The following IPMK variants were observed in gnomAD, a reference collection of about 807,000 sequenced individuals.
IPMK encodes the protein inositol polyphosphate multikinase.
IPMK carries 17 observed loss-of-function variants against 45.8 expected under a neutral mutation model. That is an observed-to-expected ratio of 0.37 (90% confidence interval 0.25 to 0.56). The LOEUF (loss-of-function observed/expected upper bound fraction) is 0.56. Ranked by LOEUF, IPMK falls within the 20% of genes least tolerant of loss-of-function variation. The pLI, the probability that IPMK is intolerant of heterozygous loss-of-function variation, is 0.79. For synonymous variants in IPMK, 180 were observed against 184.3 expected (o/e 0.98, Z 0.19); for missense variants, 399 against 498.0 (o/e 0.80, Z 1.89).
At chr10:58,210,053 G>A (rs937692779) in intron 4 of IPMK, among the ~76,000 whole-genome samples, 2 of 152,202 alleles carry the variant, frequency 1.3e-5, no homozygotes, top group African/African-American at 4.8e-5. Context: ...TCAGGTGGGG[G>A]CAGGGTTAGG....
Position 58,267,523 on chromosome 10 carries a change from T to C in IPMK, c.89A>G (p.Glu30Gly), listed in dbSNP as rs754297701. 7.4e-6 allele frequency: 12 copies of C among 1,612,842 alleles called. No homozygotes were observed. The South Asian group carries it at 9.9e-5, about 13-fold the overall frequency. ...RTSPAIESTP[E>G]GTPQPAGGRL... ...GCCGCCCGCCGGCTGCGGGGTGCCCTCAGGGGTGGACTCGATCGCCGGTGA... is the reference window on the plus strand; with the variant it reads ...GCCGCCCGCCGGCTGCGGGGTGCCCCCAGGGGTGGACTCGATCGCCGGTGA... The change falls in exon 1 of 6, where the codon GAG becomes GGG. Residue 30 changes from glutamate to glycine, a missense_variant. Around this residue, in one of 2 missense-constraint regions of IPMK, gnomAD observed 111 missense variants for 99.9 expected, o/e 1.11. Transcript: ENST00000373935.
At chr10:58,209,869 T>G (rs377457154) in intron 4 of IPMK, among the ~76,000 whole-genome samples, 1 of 152,202 alleles carries the variant, frequency 6.6e-6, no homozygotes, top group Non-Finnish European at 1.5e-5. Context: ...CTGAGTTGGT[T>G]GGCCTCCAGC....
At position 58,197,322 on chromosome 10, in the gene IPMK, A is replaced by AATACATACATACATACATAC. The variant is rs1554822218; in HGVS notation, c.629-625_629-624insGTATGTATGTATGTATGTAT. ...TCAAAAATAAATAAATAAATAAATA[A>AATACATACATACATACATAC]ATAAATACATAAATACATAAACACA... is the stretch of plus-strand genomic sequence containing the variant. On this transcript the variant is annotated intron_variant, in intron 5 of 5. Coordinates refer to ENST00000373935, the MANE Select transcript of IPMK (RefSeq NM_152230.5). Among the ~76,000 whole-genome samples the AATACATACATACATACATAC allele has an allele frequency of 3.9e-4, 43 of 110,098 alleles. 1 individual carries two copies. Among genetic ancestry groups the AATACATACATACATACATAC allele is most frequent in the African/African-American group, 1.6e-3 (41 of 25,752 alleles). The allele number at this position is 110,098 out of a possible 152,430, so 72.2% of individuals were successfully genotyped here.
At chr10:58,249,840 C>T in intron 1 of IPMK, among the ~76,000 whole-genome samples, 1 of 152,156 alleles carries the variant, frequency 6.6e-6, no homozygotes, top group East Asian at 1.9e-4. Context: ...CCAATCCAAT[C>T]AAATACATAT....
chr10:58,249,275 C>G (rs575353214), intron 1 of IPMK, among the ~76,000 whole-genome samples: 1 of 152,180 alleles, frequency 6.6e-6, no homozygotes, highest in African/African-American at 2.4e-5. Flanking sequence ...GGCTGGACTG[C>G]AGCGGCACAA....
In IPMK at chr10:58,196,533, G is replaced by A; in HGVS notation, c.794C>T (p.Thr265Ile). Reference protein sequence around the residue: ...FVYEGSSQPTTTKLNDRTLAE... With the variant: ...FVYEGSSQPTITKLNDRTLAE... ...CAAAGTTCTGTCATTCAATTTTGTA[G>A]TGGTTGGCTGAGATGAACCTTCATA... is the stretch of plus-strand genomic sequence containing the variant. Residue 265 changes from threonine to isoleucine, a missense_variant, in exon 6 of 6, where the codon ACT becomes ATT. Thr to Ile is a moderately conservative substitution (Grantham distance 89, BLOSUM62 -1). Transcript: ENST00000373935. 1 of 1,613,984 alleles carries A rather than the reference G, an allele frequency of 6.2e-7. No individual in the cohort carries two copies. The highest frequency in any genetic ancestry group is 8.5e-7 in the Non-Finnish European group (1 of 1,180,000).
rs1313456320 is a variant in IPMK, at chr10:58,267,490, C to A, written c.122G>T (p.Arg41Leu). The A allele has an allele frequency of 3.7e-6, 6 of 1,613,616 alleles. No individual in the cohort carries two copies. The highest frequency in any genetic ancestry group is 2.2e-5 in the South Asian group (2 of 91,078). The change falls in exon 1 of 6, where the codon CGC (arginine) becomes CTC (leucine). Residue 41 changes from arginine to leucine, a missense_variant. Arg to Leu is a moderately radical substitution (Grantham distance 102, BLOSUM62 -2). Around this residue, in one of 2 missense-constraint regions of IPMK, gnomAD observed 111 missense variants for 99.9 expected, o/e 1.11. Transcript: ENST00000373935. ...GTPQPAGGRL[R>L]FLNGCVPLSH... ...GAGGGGCACGCAGCCGTTGAGGAAGCGGAGTCTGCCGCCCGCCGGCTGCGG... is the reference window on the plus strand; with the variant it reads ...GAGGGGCACGCAGCCGTTGAGGAAGAGGAGTCTGCCGCCCGCCGGCTGCGG...
chr10:58,199,368 A>G (rs1217416337), intron 4 of IPMK, 47 bp from the exon 5 acceptor site: 5 of 1,265,654 alleles, frequency 4.0e-6, no homozygotes, highest in Middle Eastern at 5.2e-4. Context: ...CTCCTTGACC[A>G]TGTGGGGTTA....
chr10:58,266,661 A>C (rs959731104), intron 1 of IPMK, among the ~76,000 whole-genome samples: 3 of 152,234 alleles, frequency 2.0e-5, no homozygotes, highest in African/African-American at 7.2e-5. Flanking sequence ...CGGGTAAACT[A>C]GATGAATTAG....
chr10:58,197,658 A>G (rs1346230209), intron 5 of IPMK, among the ~76,000 whole-genome samples: 1 of 130,180 alleles, frequency 7.7e-6, no homozygotes, highest in Non-Finnish European at 1.5e-5. Context: ...TCAAAAAAAA[A>G]AGAAAAGAAA....
chr10:58,267,521 C>T lies in IPMK; in HGVS notation c.91G>A (p.Gly31Ser), dbSNP rs763812910. Reference protein sequence around the residue: ...TSPAIESTPEGTPQPAGGRLR... With the variant: ...TSPAIESTPESTPQPAGGRLR... ...CTGCCGCCCGCCGGCTGCGGGGTGC[C>T]CTCAGGGGTGGACTCGATCGCCGGT... The change falls in exon 1 of 6, where the codon GGC becomes AGC. Residue 31 changes from glycine (G) to serine (S), a missense_variant. This residue lies in a region of IPMK where 111 missense variants were observed against 99.9 expected (regional missense o/e 1.11). Coordinates refer to ENST00000373935, the MANE Select transcript of IPMK (RefSeq NM_152230.5). The T allele has an allele frequency of 9.3e-6, 15 of 1,613,106 alleles. No individual in the cohort carries two copies. The highest frequency in any genetic ancestry group is 8.5e-7 in the Non-Finnish European group (1 of 1,179,772).
intron 3 of IPMK, among the ~76,000 whole-genome samples, chr10:58,222,432 A>G (rs1343660762): frequency 2.6e-5 from 4 of 152,310 alleles, no homozygotes; most frequent in South Asian, 2.1e-4. Context: ...ATTTACTTTT[A>G]TAACTCTGGA....
At chr10:58,252,608 TTTC>T (rs1348277487) in intron 1 of IPMK, among the ~76,000 whole-genome samples, 3 of 139,736 alleles carry the variant, frequency 2.1e-5, no homozygotes, top group South Asian at 2.3e-4. Context: ...AGAGTTTTCT[TTTC>T]TTTTTTTTTT....
intron 1 of IPMK, among the ~76,000 whole-genome samples, chr10:58,264,115 GATCAAT>G (rs1202672171): frequency 6.6e-6 from 1 of 152,218 alleles, no homozygotes; most frequent in East Asian, 1.9e-4. Context: ...TCCCATAGTT[GATCAAT>G]GTGCTGTGGC....
intron 1 of IPMK, among the ~76,000 whole-genome samples, chr10:58,255,229 T>C (rs1466694776): frequency 1.3e-5 from 2 of 152,256 alleles, no homozygotes; most frequent in African/African-American, 4.8e-5. Context: ...GACCCACTTT[T>C]GTTCCCAATA....
At chr10:58,244,320 C>T (rs1485223847) in intron 1 of IPMK, among the ~76,000 whole-genome samples, 87 of 147,438 alleles carry the variant, frequency 5.9e-4, no homozygotes, top group Non-Finnish European at 1.0e-3. Context: ...CAGGCCGCCC[C>T]GTCTGGGAAG....
At chr10:58,241,914 C>T (rs7900114) in intron 1 of IPMK, among the ~76,000 whole-genome samples, 6,382 of 151,732 alleles carry the variant, frequency 0.042, 178 homozygotes, top group East Asian at 0.14. Context: ...ACTATAACAA[C>T]AATACTTACA....
Position 58,267,803 on chromosome 10 carries a change from T to A in IPMK, c.-192A>T. On this transcript the variant is annotated 5_prime_UTR_variant, in exon 1 of 6. Transcript: ENST00000373935. ...GGGCGCGGGCGCTCCTCTGCCCAACTCTCGGCGGAACGCGGCTCCCGGCTC... is the reference window on the plus strand; with the variant it reads ...GGGCGCGGGCGCTCCTCTGCCCAACACTCGGCGGAACGCGGCTCCCGGCTC... 1.9e-6 allele frequency: 1 copy of A among 518,284 alleles called. No homozygotes were observed. The highest frequency in any genetic ancestry group is 3.4e-6 in the Non-Finnish European group (1 of 296,574). 32.1% of individuals were successfully genotyped at this position (518,284 alleles called of 1,614,324 possible).
chr10:58,203,347 C>T (rs111843625), intron 4 of IPMK, among the ~76,000 whole-genome samples: 1 of 152,166 alleles, frequency 6.6e-6, no homozygotes, highest in African/African-American at 2.4e-5. Flanking sequence ...GATAGGGTCT[C>T]GCTCTGTCAC....
Sources: gnomAD v4.1 joint callset for allele counts (sites outside exome capture counted in the v4.1 genomes callset) on GRCh38, gnomAD v4.1.1 for gene constraint, gnomAD v4.1.1 regional missense constraint, MANE v1.5 for transcripts, NCBI Gene and HGNC (gene_info 2026-07-23, HGNC 2026-07-21) for gene names.